GOLM2: variants seen among roughly 807,000 people sequenced by gnomAD.
The protein encoded by GOLM2 is protein GOLM2.
A neutral mutation model predicts 55.9 loss-of-function variants in GOLM2; 26 were observed. That is an observed-to-expected ratio of 0.47 (90% confidence interval 0.34 to 0.65). The LOEUF is 0.65. Among genes scored for constraint, GOLM2 ranks in the 30% least tolerant of loss-of-function variants. GOLM2 has a pLI of 0.01. For missense variants in GOLM2, 486 were observed against 531.8 expected, an observed-to-expected ratio of 0.91 and a Z score of 0.85; for synonymous variants, 165 against 194.6, an observed-to-expected ratio of 0.85 and a Z score of 1.27.
intron 8 of GOLM2, among the ~76,000 whole-genome samples, chr15:44,388,689 A>C (rs1249430884): frequency 2.0e-5 from 3 of 152,152 alleles, no homozygotes; most frequent in Non-Finnish European, 4.4e-5. Flanking sequence ...AAAAAAAGAG[A>C]GAGGGAGAGA....
chr15:44,367,689 T>C (rs997576950), intron 6 of GOLM2, among the ~76,000 whole-genome samples: 2 of 151,362 alleles, frequency 1.3e-5, no homozygotes, highest in African/African-American at 2.4e-5. Context: ...CAGCTACTCG[T>C]GAGGCTTGGG....
intron 9 of GOLM2, among the ~76,000 whole-genome samples, chr15:44,404,082 T>G (rs2079582895): frequency 6.6e-6 from 1 of 152,210 alleles, no homozygotes; most frequent in African/African-American, 2.4e-5. Context: ...GTTTTCTGCC[T>G]GCTTATATTG....
intron 1 of GOLM2, among the ~76,000 whole-genome samples, chr15:44,310,502 CCACACACACACA>C (rs34821071): frequency 1.6e-5 from 2 of 124,692 alleles, no homozygotes; most frequent in Non-Finnish European, 3.4e-5. Context: ...ACACACACAC[CCACACACACACA>C]CACACACACA....
intron 6 of GOLM2, among the ~76,000 whole-genome samples, chr15:44,379,204 C>T (rs368616145): frequency 2.0e-5 from 3 of 152,232 alleles, no homozygotes; most frequent in Non-Finnish European, 2.9e-5. Context: ...GGGCCGGGCG[C>T]GGCGGCTCAC....
At chr15:44,312,169 T>C (rs1287873670) in intron 1 of GOLM2, among the ~76,000 whole-genome samples, 1 of 152,212 alleles carries the variant, frequency 6.6e-6, no homozygotes, top group Non-Finnish European at 1.5e-5. Context: ...TTCAATTTAG[T>C]TTCTTGCCAT....
intron 9 of GOLM2, among the ~76,000 whole-genome samples, chr15:44,412,774 G>A (rs147125879): frequency 0.011 from 1,740 of 152,116 alleles, 23 homozygotes; most frequent in Non-Finnish European, 0.015. Flanking sequence ...AGGCCGAGGT[G>A]GGCAGATCAC....
intron 1 of GOLM2, among the ~76,000 whole-genome samples, chr15:44,296,235 T>C (rs971064463): frequency 1.3e-5 from 2 of 152,150 alleles, no homozygotes; most frequent in Admixed American, 1.3e-4. Context: ...CTTGGATTCT[T>C]GCAAACTGTA....
chr15:44,378,690 T>G (rs1297195753), intron 6 of GOLM2, among the ~76,000 whole-genome samples: 1 of 152,180 alleles, frequency 6.6e-6, no homozygotes, highest in Non-Finnish European at 1.5e-5. Flanking sequence ...AATTTTTATT[T>G]GTGCTATGCA....
intron 6 of GOLM2, among the ~76,000 whole-genome samples, chr15:44,366,188 T>C (rs1453919766): frequency 6.6e-6 from 1 of 151,474 alleles, no homozygotes; most frequent in Non-Finnish European, 1.5e-5. Flanking sequence ...TCCCAGCTAC[T>C]TGGGAGACTG....
chr15:44,412,740 C>T (rs554249666), intron 9 of GOLM2, among the ~76,000 whole-genome samples: 6 of 152,082 alleles, frequency 3.9e-5, no homozygotes, highest in Non-Finnish European at 7.4e-5. Context: ...CTGTGGCTCA[C>T]GCCTGTAATC....
intron 9 of GOLM2, among the ~76,000 whole-genome samples, chr15:44,408,778 G>A (rs1294105525): frequency 6.6e-6 from 1 of 152,096 alleles, no homozygotes; most frequent in Admixed American, 6.6e-5. Flanking sequence ...TGGCTAAGAT[G>A]GTGAAACCCC....
rs2079575074 is a variant in GOLM2 at position 44,402,929 on chromosome 15, A to G, written c.1115A>G (p.His372Arg). The G allele has an allele frequency of 6.2e-7, 1 of 1,614,060 alleles. No individual in the cohort carries two copies. The highest frequency in any genetic ancestry group is 8.5e-7 in the Non-Finnish European group (1 of 1,180,002). The change falls in exon 9 of 10, where the codon CAT (histidine) becomes CGT (arginine). Residue 372 changes from histidine to arginine, a missense_variant. His to Arg is a conservative substitution (Grantham distance 29). Coordinates refer to ENST00000299957, the MANE Select transcript of GOLM2 (RefSeq NM_138423.4). Reference protein sequence around the residue: ...DENESPVDPQHGSKLADYNGD... With the variant: ...DENESPVDPQRGSKLADYNGD... ...AATGAATCCCCTGTTGATCCGCAGC[A>G]TGGCTCTAAACTGGCGGATTATAAT...
At chr15:44,363,583 T>G (rs113375824) in intron 6 of GOLM2, among the ~76,000 whole-genome samples, 1 of 152,316 alleles carries the variant, frequency 6.6e-6, no homozygotes, top group East Asian at 1.9e-4. Flanking sequence ...GGAACACTTT[T>G]ACACTGTTGG....
At chr15:44,337,446 C>G (rs1402289903) in intron 4 of GOLM2, among the ~76,000 whole-genome samples, 1 of 151,948 alleles carries the variant, frequency 6.6e-6, no homozygotes, top group Non-Finnish European at 1.5e-5. Flanking sequence ...CAATTTTAGG[C>G]CATTAGGGTA....
chr15:44,326,391 C>G (rs907207682), intron 2 of GOLM2, among the ~76,000 whole-genome samples: 1 of 151,384 alleles, frequency 6.6e-6, no homozygotes, highest in African/African-American at 2.4e-5. Flanking sequence ...AGTTATTATG[C>G]ATATTGTTAA....
At chr15:44,377,201 C>T (rs1018671726) in intron 6 of GOLM2, among the ~76,000 whole-genome samples, 2 of 151,906 alleles carry the variant, frequency 1.3e-5, no homozygotes, top group Admixed American at 6.6e-5. Flanking sequence ...AGTAAGACCT[C>T]GTCTCTACAA....
chr15:44,321,190 G>T (rs2078945897), intron 1 of GOLM2, among the ~76,000 whole-genome samples: 1 of 152,026 alleles, frequency 6.6e-6, no homozygotes, highest in South Asian at 2.1e-4. Flanking sequence ...AGATTGCATG[G>T]GCCAGGCATT....
At chr15:44,372,441 G>C (rs1428803278) in intron 6 of GOLM2, among the ~76,000 whole-genome samples, 2 of 151,972 alleles carry the variant, frequency 1.3e-5, no homozygotes, top group Non-Finnish European at 2.9e-5. Flanking sequence ...TTCTTTTTTT[G>C]CCTCTCAGAG....
chr15:44,290,230 CTA>C (rs1374124978), intron 1 of GOLM2, among the ~76,000 whole-genome samples: 1 of 152,128 alleles, frequency 6.6e-6, no homozygotes, highest in African/African-American at 2.4e-5. Context: ...TCATTGGTAA[CTA>C]TATTAATAGT....
Sources: gnomAD v4.1 joint callset for allele counts (sites outside exome capture counted in the v4.1 genomes callset) on GRCh38, gnomAD v4.1.1 for gene constraint, MANE v1.5 for transcripts, NCBI Gene and HGNC (gene_info 2026-07-23, HGNC 2026-07-21) for gene names.